The following SPAG16 variants were observed in gnomAD, a reference collection of about 807,000 sequenced individuals.
SPAG16 encodes the protein sperm-associated antigen 16 protein.
Under a neutral mutation model 80.4 loss-of-function variants are expected in SPAG16, and 86 were observed. The observed-to-expected ratio is 1.07, with a 90% CI of 0.90 to 1.28. The LOEUF is 1.28. SPAG16 is among the 50% of genes most tolerant of loss of function. The pLI is 0.00. For missense variants in SPAG16, 870 were observed against 765.3 expected, an observed-to-expected ratio of 1.14 and a Z score of -1.61; for synonymous variants, 294 against 265.9, an observed-to-expected ratio of 1.11 and a Z score of -1.03.
chr2:214,079,427 A>G (rs972829421), intron 13 of SPAG16, among the ~76,000 whole-genome samples: 2 of 152,240 alleles, frequency 1.3e-5, no homozygotes, highest in African/African-American at 4.8e-5. Flanking sequence ...TTCTGAATTC[A>G]TGATATTTAA....
intron 10 of SPAG16, among the ~76,000 whole-genome samples, chr2:213,675,596 C>G (rs2064022967): frequency 6.6e-6 from 1 of 152,170 alleles, no homozygotes; most frequent in Non-Finnish European, 1.5e-5. Context: ...TTTCAGCTTT[C>G]TACATATGGC....
intron 13 of SPAG16, among the ~76,000 whole-genome samples, chr2:214,090,253 G>T (rs1016821624): frequency 4.0e-5 from 6 of 151,726 alleles, no homozygotes; most frequent in African/African-American, 1.5e-4. Flanking sequence ...ATGATAATAA[G>T]AACAAGTATA....
chr2:213,715,962 A>G (rs2066222480), intron 10 of SPAG16, among the ~76,000 whole-genome samples: 1 of 152,090 alleles, frequency 6.6e-6, no homozygotes, highest in African/African-American at 2.4e-5. Context: ...GCACTATTGT[A>G]TCTAGTAGGA....
intron 10 of SPAG16, among the ~76,000 whole-genome samples, chr2:213,744,976 T>C (rs1007268485): frequency 1.3e-5 from 2 of 152,236 alleles, no homozygotes; most frequent in African/African-American, 4.8e-5. Flanking sequence ...TACTCATTTA[T>C]GGATTTTGGG....
At chr2:213,391,368 T>C (rs2067742799) in intron 9 of SPAG16, among the ~76,000 whole-genome samples, 1 of 152,230 alleles carries the variant, frequency 6.6e-6, no homozygotes, top group Non-Finnish European at 1.5e-5. Context: ...ATAATCAATT[T>C]TTTGTTTACC....
chr2:213,629,961 C>A (rs963398600), intron 10 of SPAG16, among the ~76,000 whole-genome samples: 1 of 152,208 alleles, frequency 6.6e-6, no homozygotes, highest in Non-Finnish European at 1.5e-5. Context: ...TATTTTCCCT[C>A]CAGCCTAGGC....
rs1462833045 is a variant in SPAG16, at chr2:213,960,537, G to C, written c.1400+30392G>C. 2.6e-5 allele frequency among the ~76,000 whole-genome samples: 4 copies of C among 151,848 alleles called. No individual in the cohort carries two copies. In the East Asian group the frequency reaches 7.7e-4, roughly 29 times the overall value. ...TTCTTTCTTCCCCAGGGTTTGCTGT[G>C]GTTTTTTAAAAATTATTTTGGTTTA... On this transcript the variant is annotated intron_variant, in intron 12 of 15. Coordinates refer to ENST00000331683, the MANE Select transcript of SPAG16 (RefSeq NM_024532.5).
At chr2:214,365,806 CT>C (rs1282145045) in intron 15 of SPAG16, among the ~76,000 whole-genome samples, 1 of 152,120 alleles carries the variant, frequency 6.6e-6, no homozygotes, top group African/African-American at 2.4e-5. Context: ...TCTTCAAGAT[CT>C]GTTTCTTTCT....
chr2:214,045,773 CAAAT>C (rs1490854165), intron 13 of SPAG16, among the ~76,000 whole-genome samples: 1 of 151,962 alleles, frequency 6.6e-6, no homozygotes, highest in African/African-American at 2.4e-5. Flanking sequence ...AAACTTCAAA[CAAAT>C]AACCTAACCT....
At chr2:213,421,851 C>T (rs1291464979) in intron 9 of SPAG16, among the ~76,000 whole-genome samples, 13 of 151,988 alleles carry the variant, frequency 8.6e-5, no homozygotes, top group Non-Finnish European at 1.5e-4. Context: ...ACGACCTGCC[C>T]GCAGAAAGGA....
At chr2:214,380,289 G>A (rs1470436163) in intron 15 of SPAG16, among the ~76,000 whole-genome samples, 4 of 152,116 alleles carry the variant, frequency 2.6e-5, no homozygotes, top group African/African-American at 9.7e-5. Flanking sequence ...GAATTTTCAG[G>A]TTTTGCAAAA....
intron 10 of SPAG16, among the ~76,000 whole-genome samples, chr2:213,579,712 C>A (rs1052501908): frequency 1.5e-4 from 23 of 152,104 alleles, no homozygotes; most frequent in African/African-American, 5.5e-4. Flanking sequence ...ACTTAAAAGT[C>A]TATAATTGTA....
At chr2:213,355,380 GT>G (rs78490422) in intron 7 of SPAG16, among the ~76,000 whole-genome samples, 103,259 of 151,966 alleles carry the variant, frequency 0.68, 35,854 homozygotes, top group East Asian at 1. Flanking sequence ...CTTTAAAGTA[GT>G]TTTCTCTAAC....
At chr2:213,688,995 T>G (rs1402025191) in intron 10 of SPAG16, among the ~76,000 whole-genome samples, 2 of 152,202 alleles carry the variant, frequency 1.3e-5, no homozygotes, top group East Asian at 3.8e-4. Context: ...AGTCTCACTC[T>G]GTTGCCCAGG....
chr2:214,229,085 C>G (rs556608638), intron 15 of SPAG16, among the ~76,000 whole-genome samples: 1 of 151,102 alleles, frequency 6.6e-6, no homozygotes, highest in South Asian at 2.1e-4. Flanking sequence ...ATGGTAGGTA[C>G]AGGAGATACA....
At chr2:213,725,992 G>T (rs2066753103) in intron 10 of SPAG16, among the ~76,000 whole-genome samples, 1 of 152,098 alleles carries the variant, frequency 6.6e-6, no homozygotes, top group African/African-American at 2.4e-5. Flanking sequence ...CTCTTTTTCG[G>T]CATTTCTCAA....
At chr2:213,318,156 C>G (rs2063478822) in intron 5 of SPAG16, among the ~76,000 whole-genome samples, 1 of 151,892 alleles carries the variant, frequency 6.6e-6, no homozygotes, top group African/African-American at 2.4e-5. Context: ...TCCAGCAGTT[C>G]CACTACTGGG....
At chr2:214,361,030 T>C (rs920944493) in intron 15 of SPAG16, among the ~76,000 whole-genome samples, 1 of 151,854 alleles carries the variant, frequency 6.6e-6, no homozygotes, top group Non-Finnish European at 1.5e-5. Context: ...TTGCACGACA[T>C]TCATGAATTT....
At chr2:214,346,779 C>T (rs182133520) in intron 15 of SPAG16, among the ~76,000 whole-genome samples, 1 of 152,254 alleles carries the variant, frequency 6.6e-6, no homozygotes, top group Admixed American at 6.5e-5. Context: ...CAGCCATTCC[C>T]AACAAAGCAT....
Sources: gnomAD v4.1 joint callset for allele counts (sites outside exome capture counted in the v4.1 genomes callset) on GRCh38, gnomAD v4.1.1 for gene constraint, MANE v1.5 for transcripts, NCBI Gene and HGNC (gene_info 2026-07-23, HGNC 2026-07-21) for gene names.